The following CFAP54 variants were observed in gnomAD, a reference collection of about 807,000 sequenced individuals.
The protein encoded by CFAP54 is cilia- and flagella-associated protein 54.
In CFAP54, 290 loss-of-function variants were observed where a neutral mutation model predicts 370.4. The observed-to-expected ratio is 0.78, with a 90% CI of 0.71 to 0.86. The LOEUF is 0.86. Among genes scored for constraint, CFAP54 ranks in the 40% least tolerant of loss-of-function variants. CFAP54 has a pLI of 0.00. For synonymous variants in CFAP54, 1,206 were observed against 1,236.5 expected (o/e 0.98, Z 0.52); for missense variants, 3,399 against 3,528.7 (o/e 0.96, Z 0.93).
At chr12:96,605,321 C>T (rs1244567112) in intron 26 of CFAP54, among the ~76,000 whole-genome samples, 1 of 152,114 alleles carries the variant, frequency 6.6e-6, no homozygotes, top group African/African-American at 2.4e-5. Flanking sequence ...ATCAAGAAAC[C>T]AAACAGCTGG....
In CFAP54 at chr12:96,586,321, C is replaced by T. The variant is rs557988847; in HGVS notation, c.3076-3106C>T. On this transcript the variant is annotated intron_variant, in intron 22 of 67. Coordinates refer to ENST00000524981, the MANE Select transcript of CFAP54 (RefSeq NM_001306084.2). Reference sequence around the variant, plus strand: ...TGTTCTAAGCAACGTGAACAGAATGCCATGGTAGGAGATAGGTAATAAACA... The same window carrying T: ...TGTTCTAAGCAACGTGAACAGAATGTCATGGTAGGAGATAGGTAATAAACA... 1.5e-3 allele frequency among the ~76,000 whole-genome samples: 221 copies of T among 151,886 alleles called. 1 individual carries two copies. The highest frequency in any genetic ancestry group is 5.1e-3 in the African/African-American group (213 of 41,414).
chr12:96,512,147 G>A (rs1184072608), intron 4 of CFAP54, among the ~76,000 whole-genome samples: 2 of 151,730 alleles, frequency 1.3e-5, no homozygotes, highest in African/African-American at 4.8e-5. Flanking sequence ...GAGTCTGAGA[G>A]TGAATATAAC....
chr12:96,844,898 T>C (rs1176607219), intron 66 of CFAP54, among the ~76,000 whole-genome samples: 1 of 152,216 alleles, frequency 6.6e-6, no homozygotes, highest in African/African-American at 2.4e-5. Context: ...GCTCCTTCCC[T>C]TGGCTCAGTG....
chr12:96,734,683 A>G (rs1257061934), intron 50 of CFAP54, among the ~76,000 whole-genome samples: 3 of 152,204 alleles, frequency 2.0e-5, no homozygotes, highest in Admixed American at 1.3e-4. Context: ...CTTAAAAATT[A>G]GGTTATTTCA....
intron 40 of CFAP54, among the ~76,000 whole-genome samples, chr12:96,680,654 G>A (rs1357940958): frequency 6.6e-6 from 1 of 151,498 alleles, no homozygotes; most frequent in Non-Finnish European, 1.5e-5. Flanking sequence ...TTATTTGTTT[G>A]TTGTTGTTGC....
intron 63 of CFAP54, among the ~76,000 whole-genome samples, chr12:96,798,468 G>A (rs1407517724): frequency 5.9e-5 from 9 of 151,910 alleles, no homozygotes; most frequent in Non-Finnish European, 1.2e-4. Flanking sequence ...GAGTTAAGCC[G>A]TTGCTGCTTT....
intron 40 of CFAP54, among the ~76,000 whole-genome samples, chr12:96,680,114 C>T (rs1404050438): frequency 1.3e-5 from 2 of 152,200 alleles, no homozygotes; most frequent in African/African-American, 4.8e-5. Flanking sequence ...ACTGAGTTAA[C>T]TAGAACCTTT....
chr12:96,814,570 G>A (rs77134727), intron 64 of CFAP54, among the ~76,000 whole-genome samples: 1 of 152,190 alleles, frequency 6.6e-6, no homozygotes, highest in Admixed American at 6.5e-5. Context: ...TAAGTTCTGG[G>A]ATACATGTAC....
At chr12:96,578,420 G>C (rs967056811) in intron 20 of CFAP54, among the ~76,000 whole-genome samples, 4 of 152,208 alleles carry the variant, frequency 2.6e-5, no homozygotes, top group Admixed American at 6.5e-5. Flanking sequence ...TTTAAGAATA[G>C]AGCTTCACTG....
intron 50 of CFAP54, among the ~76,000 whole-genome samples, chr12:96,732,113 TG>T (rs1957928052): frequency 8.5e-6 from 1 of 117,934 alleles, no homozygotes; most frequent in African/African-American, 4.2e-5. Context: ...TGTGTGTTTG[TG>T]TGTGTGTGTG....
intron 5 of CFAP54, among the ~76,000 whole-genome samples, chr12:96,518,108 A>G (rs1955260231): frequency 6.6e-6 from 1 of 152,258 alleles, no homozygotes; most frequent in East Asian, 1.9e-4. Context: ...CCCATTTTAC[A>G]GATGAGAAAA....
intron 39 of CFAP54, among the ~76,000 whole-genome samples, chr12:96,674,458 C>T (rs1478871405): frequency 6.8e-6 from 1 of 146,634 alleles, no homozygotes; most frequent in Admixed American, 7.0e-5. Context: ...AGAGAGGAAA[C>T]CCCTTGAGGC....
intron 17 of CFAP54, among the ~76,000 whole-genome samples, chr12:96,563,144 C>G (rs765755503): frequency 3.3e-5 from 5 of 152,066 alleles, no homozygotes; most frequent in Non-Finnish European, 7.4e-5. Flanking sequence ...ATACCTCGTT[C>G]TCTAATTGTC....
intron 22 of CFAP54, 30 bp downstream of exon 22, chr12:96,581,135 C>CT: frequency 3.6e-6 from 5 of 1,375,746 alleles, no homozygotes; most frequent in Non-Finnish European, 4.7e-6. Context: ...ATTTTTTCCA[C>CT]TGTGTTTTTT....
At chr12:96,539,710 G>A (rs1565889749) in intron 13 of CFAP54, among the ~76,000 whole-genome samples, 1 of 151,884 alleles carries the variant, frequency 6.6e-6, no homozygotes, top group African/African-American at 2.4e-5. Flanking sequence ...TAAATATAAT[G>A]TATCTGAGGT....
chr12:96,584,608 T>TA (rs1956058807), intron 22 of CFAP54, among the ~76,000 whole-genome samples: 1 of 151,990 alleles, frequency 6.6e-6, no homozygotes, highest in Non-Finnish European at 1.5e-5. Flanking sequence ...AGTTATATGC[T>TA]AGATGTCATC....
intron 60 of CFAP54, among the ~76,000 whole-genome samples, chr12:96,771,974 A>G (rs1347116655): frequency 1.3e-5 from 2 of 152,230 alleles, no homozygotes; most frequent in East Asian, 3.9e-4. Context: ...AGTCAGAAAA[A>G]GAAAGTTTTC....
At chr12:96,750,067 C>A (rs1958165125) in intron 55 of CFAP54, among the ~76,000 whole-genome samples, 1 of 152,160 alleles carries the variant, frequency 6.6e-6, no homozygotes, top group Admixed American at 6.5e-5. Flanking sequence ...ACCTTCAAGC[C>A]CCTCACAGGT....
At chr12:96,833,016 C>A (rs1394368851) in intron 66 of CFAP54, among the ~76,000 whole-genome samples, 4 of 152,140 alleles carry the variant, frequency 2.6e-5, no homozygotes, top group Non-Finnish European at 4.4e-5. Context: ...TACAAATTAC[C>A]TTTGCCTATG....
Sources: gnomAD v4.1 joint callset for allele counts (sites outside exome capture counted in the v4.1 genomes callset) on GRCh38, gnomAD v4.1.1 for gene constraint, MANE v1.5 for transcripts, NCBI Gene and HGNC (gene_info 2026-07-23, HGNC 2026-07-21) for gene names.